Variants in CXCL6 observed in about 807,000 individuals in gnomAD.
The protein encoded by CXCL6 is C-X-C motif chemokine 6.
In CXCL6, 18 loss-of-function variants were observed where a neutral mutation model predicts 10.5. The ratio of observed to expected loss-of-function variants is 1.71; its 90% confidence interval spans 1.18 to 2.54. The LOEUF is 2.54. CXCL6 is among the 30% of genes most tolerant of loss of function. The pLI is 0.00. For missense variants in CXCL6, 171 were observed against 145.7 expected, an observed-to-expected ratio of 1.17 and a Z score of -0.90; for synonymous variants, 82 against 68.3, an observed-to-expected ratio of 1.20 and a Z score of -0.99.
chr4:73,837,576 C>G, intron 3 of CXCL6, 47 bp from the exon 4 acceptor site: 1 of 1,553,544 alleles, frequency 6.4e-7, no homozygotes, highest in Non-Finnish European at 8.7e-7. Context: ...ATGTAGCATA[C>G]AAGAGTGTGG....
chr4:73,836,910 G>A (rs752121401), intron 1 of CXCL6, 51 bp downstream of exon 1: 1 of 1,606,050 alleles, frequency 6.2e-7, no homozygotes, highest in Admixed American at 1.7e-5. Context: ...GGGCCGCTGC[G>A]TTCCAGGGAA....
chr4:73,837,168 G>A (rs774096701), intron 2 of CXCL6, 35 bp from the exon 3 acceptor site: 4 of 1,613,658 alleles, frequency 2.5e-6, no homozygotes, highest in Non-Finnish European at 2.5e-6. Flanking sequence ...CAACCTTTGT[G>A]GCTCATGGGT....
rs1160079132 is a variant in CXCL6 at position 73,837,824 on chromosome 4, T to C, written c.*183T>C. On this transcript the variant is annotated 3_prime_UTR_variant, in exon 4 of 4. Coordinates refer to ENST00000226317, the MANE Select transcript of CXCL6 (RefSeq NM_002993.4). The stretch of plus-strand genomic sequence containing the variant: ...TTCTCCCTGAAGTTTACAGCTCAGC[T>C]AATGAAGTACTAATATAGTATTTCC... The C allele has an allele frequency of 2.1e-6, 1 of 478,084 alleles. No homozygotes were observed. The highest frequency in any genetic ancestry group is 3.8e-6 in the Non-Finnish European group (1 of 265,908). The allele number at this position is 478,084 out of a possible 1,614,324, so 29.6% of individuals were successfully genotyped here. A position where few individuals can be genotyped will look rare whatever the true frequency, so the allele number is the denominator to read the frequency against.
intron 3 of CXCL6, 123 bp downstream of exon 3, chr4:73,837,409 A>T: frequency 8.9e-7 from 1 of 1,122,266 alleles, no homozygotes; most frequent in Non-Finnish European, 1.3e-6. Context: ...TGTTAAGAAG[A>T]ATAAGGAAAC....
At position 73,836,735 on chromosome 4, in the gene CXCL6, C is replaced by A. The variant is rs759614893; in HGVS notation, c.-16C>A. The A allele has an allele frequency of 1.2e-6, 2 of 1,601,372 alleles. No individual in the cohort carries two copies. The highest frequency in any genetic ancestry group is 1.7e-6 in the Non-Finnish European group (2 of 1,174,298). On this transcript the variant is annotated 5_prime_UTR_variant, in exon 1 of 4. Transcript: ENST00000226317. ...TCCACCCAGCTCAGGAACCCGCGAA[C>A]CCTCTCTTGACCACTATGAGCCTCC...
At position 73,836,805 on chromosome 4, in the gene CXCL6, T is replaced by C; in HGVS notation, c.55T>C (p.Cys19Arg). ...ARVPGPSGSL[C>R]ALLALLLLLT... ...TGTCCCGGGTCCTTCGGGCTCCTTG[T>C]GCGCGCTGCTCGCGCTGCTGCTCCT... Residue 19 changes from cysteine (C) to arginine (R), a missense_variant, in exon 1 of 4, where the codon TGC (cysteine) becomes CGC (arginine). By Grantham distance (180) the Cys-to-Arg change is radical (BLOSUM62 -3). Transcript: ENST00000226317. 1 of 1,612,326 alleles carries C rather than the reference T, an allele frequency of 6.2e-7. No individual in the cohort carries two copies. The highest frequency in any genetic ancestry group is 8.5e-7 in the Non-Finnish European group (1 of 1,179,482).
chr4:73,838,222 A>G lies in CXCL6; in HGVS notation c.*581A>G, dbSNP rs1277467577. 6.6e-6 allele frequency: 1 copy of G among 152,204 alleles called. No homozygotes were observed. The allele number at this position is 152,204 out of a possible 1,614,324, so 9.4% of individuals were successfully genotyped here. ...CTGTGCAGAATATATTTCCTTATTC[A>G]GAATTTCTAAAAATTTAAGTTCTGT... On this transcript the variant is annotated 3_prime_UTR_variant, in exon 4 of 4. Coordinates refer to ENST00000226317, the MANE Select transcript of CXCL6 (RefSeq NM_002993.4).
Position 73,836,855 on chromosome 4 carries a change from C to T in CXCL6, c.105C>T (p.Ala35=), listed in dbSNP as rs146902260. The T allele has an allele frequency of 5.5e-5, 88 of 1,612,384 alleles. No individual in the cohort carries two copies. Among genetic ancestry groups the T allele is most frequent in the Non-Finnish European group, 6.9e-5 (81 of 1,179,036 alleles). ...TGCTGACGCCGCCGGGGCCCCTCGC[C>T]AGCGGTGAGAGCTCCTGGCACTGGG... ...LLLLTPPGPL[A]SAGPVSAVLT... is the part of the protein sequence containing the mutation. Residue 35 remains alanine (A), a synonymous_variant, in exon 1 of 4, where the codon GCC becomes GCT. Coordinates refer to ENST00000226317, the MANE Select transcript of CXCL6 (RefSeq NM_002993.4).
chr4:73,836,858 C>T lies in CXCL6; in HGVS notation c.108C>T (p.Ser36=). 1 of 1,612,224 alleles carries T rather than the reference C, an allele frequency of 6.2e-7. No homozygotes were observed. The change falls in exon 1 of 4, where the codon AGC becomes AGT. Residue 36 remains serine (S), a splice_region_variant and synonymous_variant. Coordinates refer to ENST00000226317, the MANE Select transcript of CXCL6 (RefSeq NM_002993.4). ...LLLTPPGPLA[S]AGPVSAVLTE... ...TGACGCCGCCGGGGCCCCTCGCCAG[C>T]GGTGAGAGCTCCTGGCACTGGGGTG...
Position 73,837,779 on chromosome 4 carries a change from G to A in CXCL6, c.*138G>A. The A allele has an allele frequency of 4.6e-6, 3 of 645,254 alleles. No individual in the cohort carries two copies. Among genetic ancestry groups the A allele is most frequent in the Non-Finnish European group, 7.7e-6 (3 of 390,192 alleles). The allele number at this position is 645,254 out of a possible 1,614,324, so 40.0% of individuals were successfully genotyped here. Reference sequence around the variant, plus strand: ...CTACATGGATTCCCTACTTTGAAGAGTGTGGGGGAAAGCCTACGCTTCTCC... The same window carrying A: ...CTACATGGATTCCCTACTTTGAAGAATGTGGGGGAAAGCCTACGCTTCTCC... On this transcript the variant is annotated 3_prime_UTR_variant, in exon 4 of 4. Coordinates refer to ENST00000226317, the MANE Select transcript of CXCL6 (RefSeq NM_002993.4).
rs775852013 is a variant in CXCL6 at position 73,836,806 on chromosome 4, G to GCGCGCTGCT, written c.66_74dup (p.Ala23_Leu25dup). The GCGCGCTGCT allele has an allele frequency of 1.9e-6, 3 of 1,612,138 alleles. No homozygotes were observed. The highest frequency in any genetic ancestry group is 2.5e-6 in the Non-Finnish European group (3 of 1,179,480). On this transcript the variant is annotated inframe_insertion, in exon 1 of 4. Transcript: ENST00000226317. Reference sequence around the variant, plus strand: ...GTCCCGGGTCCTTCGGGCTCCTTGTGCGCGCTGCTCGCGCTGCTGCTCCTG... The same window carrying GCGCGCTGCT: ...GTCCCGGGTCCTTCGGGCTCCTTGTGCGCGCTGCTCGCGCTGCTCGCGCTGCTGCTCCTG...
At chr4:73,837,562 C>T in intron 3 of CXCL6, 61 bp from the exon 4 acceptor site, 2 of 1,528,906 alleles carry the variant, frequency 1.3e-6, no homozygotes, top group Non-Finnish European at 1.8e-6. Context: ...CTTTTGAAAA[C>T]CAAATGTAGC....
At chr4:73,837,514 G>A (rs968706930) in intron 3 of CXCL6, 109 bp from the exon 4 acceptor site, 9 of 1,134,232 alleles carry the variant, frequency 7.9e-6, no homozygotes, top group Non-Finnish European at 1.2e-5. Flanking sequence ...TTTTTTGTCT[G>A]CTCTTTGCTT....
Position 73,836,736 on chromosome 4 carries a change from C to T in CXCL6, c.-15C>T. 6.2e-7 allele frequency: 1 copy of T among 1,602,078 alleles called. No homozygotes were observed. The highest frequency in any genetic ancestry group is 8.5e-7 in the Non-Finnish European group (1 of 1,174,722). ...CCACCCAGCTCAGGAACCCGCGAACCCTCTCTTGACCACTATGAGCCTCCC... is the reference window on the plus strand; with the variant it reads ...CCACCCAGCTCAGGAACCCGCGAACTCTCTCTTGACCACTATGAGCCTCCC... On this transcript the variant is annotated 5_prime_UTR_variant, in exon 1 of 4. Coordinates refer to ENST00000226317, the MANE Select transcript of CXCL6 (RefSeq NM_002993.4).
chr4:73,838,608 A>G lies in CXCL6; in HGVS notation c.*967A>G, dbSNP rs1220003587. ...TAAGATTTTCAGATATCTATTGTGG[A>G]TCTTTTAAAGGTTTTGACCATTTTG... On this transcript the variant is annotated 3_prime_UTR_variant, in exon 4 of 4. Coordinates refer to ENST00000226317, the MANE Select transcript of CXCL6 (RefSeq NM_002993.4). The G allele has an allele frequency of 6.6e-6, 1 of 152,632 alleles. No homozygotes were observed. The highest frequency in any genetic ancestry group is 1.5e-5 in the Non-Finnish European group (1 of 68,032). 9.5% of individuals were successfully genotyped at this position (152,632 alleles called of 1,614,324 possible).
Position 73,837,080 on chromosome 4 carries a change from T to C in CXCL6, c.226T>C (p.Ser76Pro), listed in dbSNP as rs765600519. ...GGTGTTCCCCGCAGGCCCGCAGTGC[T>C]CCAAGGTGGAAGTGGTGTAAGTTCT... ...LQVFPAGPQC[S>P]KVEVVASLKN... Residue 76 changes from serine (S) to proline (P), a missense_variant, in exon 2 of 4, where the codon TCC becomes CCC. By Grantham distance (74) the Ser-to-Pro change is moderately conservative (BLOSUM62 -1). Transcript: ENST00000226317. 1 of 1,613,618 alleles carries C rather than the reference T, an allele frequency of 6.2e-7. No homozygotes were observed. Among genetic ancestry groups the C allele is most frequent in the Non-Finnish European group, 8.5e-7 (1 of 1,179,742 alleles).
chr4:73,837,538 T>C (rs1306632381), intron 3 of CXCL6, 85 bp from the exon 4 acceptor site: 20 of 1,318,410 alleles, frequency 1.5e-5, no homozygotes, highest in Non-Finnish European at 2.1e-5. Flanking sequence ...TTGATTTTTT[T>C]CCCCCACCAA....
chr4:73,837,145 C>T, intron 2 of CXCL6, 49 bp downstream of exon 2: 1 of 1,613,390 alleles, frequency 6.2e-7, no homozygotes, highest in Non-Finnish European at 8.5e-7. Context: ...GCAAGTCCTC[C>T]AGCCTGGGTC....
intron 3 of CXCL6, 102 bp from the exon 4 acceptor site, chr4:73,837,521 G>A: frequency 8.4e-7 from 1 of 1,195,610 alleles, no homozygotes; most frequent in Non-Finnish European, 1.2e-6. Context: ...TCTGCTCTTT[G>A]CTTTTATTGA....
Sources: gnomAD v4.1 joint callset for allele counts on GRCh38, gnomAD v4.1.1 for gene constraint, MANE v1.5 for transcripts, NCBI Gene and HGNC (gene_info 2026-07-23, HGNC 2026-07-21) for gene names.